Variants in NLRP12 observed in about 807,000 individuals in gnomAD.
The protein encoded by NLRP12 is NACHT, LRR and PYD domains-containing protein 12.
NLRP12 carries 108 observed loss-of-function variants against 91.2 expected under a neutral mutation model. The observed-to-expected ratio is 1.18, with a 90% CI of 1.01 to 1.39. NLRP12 has a LOEUF of 1.39. Among genes scored for constraint, NLRP12 ranks in the 40% most tolerant of loss-of-function variants. The pLI is 0.00. For missense variants in NLRP12, 1,530 were observed against 1,352.7 expected (o/e 1.13, Z -2.06); for synonymous variants, 613 against 566.7 (o/e 1.08, Z -1.16).
chr19:53,810,845 A>G lies in NLRP12; in HGVS notation c.814T>C (p.Trp272Arg). The part of the protein sequence containing the change: ...CSMQDLIFSC[W>R]PEPSAPLQEL... ...TGGAGAGGCGCGCTGGGCTCAGGCC[A>G]GCAGCTGAAGATGAGGTCTTGCATG... The change falls in exon 3 of 10, where the codon TGG becomes CGG. Residue 272 changes from tryptophan (W) to arginine (R), a missense_variant. By Grantham distance (101) the Trp-to-Arg change is moderately radical. Transcript: ENST00000324134. 6.2e-7 allele frequency: 1 copy of G among 1,614,118 alleles called. No individual in the cohort carries two copies. The highest frequency in any genetic ancestry group is 2.2e-5 in the East Asian group (1 of 44,874).
At chr19:53,823,427 T>TTTTTAAA (rs1238042281) in intron 1 of NLRP12, among the ~76,000 whole-genome samples, 66 of 102,914 alleles carry the variant, frequency 6.4e-4, no homozygotes, top group African/African-American at 2.3e-3. Context: ...TTTAAATATA[T>TTTTTAAA]ATATTTAAAA....
chr19:53,811,706 A>G (rs1295144210), intron 2 of NLRP12, among the ~76,000 whole-genome samples: 1 of 151,266 alleles, frequency 6.6e-6, no homozygotes. Flanking sequence ...AGCTGGGATT[A>G]CAGGCACATG....
intron 1 of NLRP12, among the ~76,000 whole-genome samples, chr19:53,815,894 G>C (rs978442421): frequency 4.0e-5 from 6 of 151,800 alleles, no homozygotes; most frequent in Admixed American, 6.6e-5. Flanking sequence ...ACAGGCGTGA[G>C]CCACTGCGCC....
chr19:53,804,611 G>A (rs62143165), intron 5 of NLRP12, among the ~76,000 whole-genome samples: 136,952 of 149,212 alleles, frequency 0.92, 63,006 homozygotes, highest in Non-Finnish European at 0.95. Flanking sequence ...GTGTTTCTCC[G>A]TGTTGGCCAG....
Position 53,809,607 on chromosome 19 carries a change from C to A in NLRP12, c.2052G>T (p.Ala684=). ...CTTACAGCTGCACCAACAGCGTGTGCGCTCCTGCGGAGCACCTCGCGCGGT... is the reference window on the plus strand; with the variant it reads ...CTTACAGCTGCACCAACAGCGTGTGAGCTCCTGCGGAGCACCTCGCGCGGT... The part of the protein sequence containing the change: ...GEDRARCSAG[A]HTLLVQLPER... Residue 684 remains alanine, a synonymous_variant, in exon 3 of 10, where the codon GCG becomes GCT. Coordinates refer to ENST00000324134, the MANE Select transcript of NLRP12 (RefSeq NM_144687.4). The A allele has an allele frequency of 2.5e-6, 4 of 1,612,260 alleles. No individual in the cohort carries two copies. Among genetic ancestry groups the A allele is most frequent in the Non-Finnish European group, 3.4e-6 (4 of 1,179,666 alleles).
chr19:53,809,061 A>G (rs1385463230), intron 3 of NLRP12, among the ~76,000 whole-genome samples: 1 of 151,864 alleles, frequency 6.6e-6, no homozygotes, highest in East Asian at 1.9e-4. Context: ...CCCCATCTCC[A>G]CTAAAAATAC....
intron 6 of NLRP12, 25 bp from the exon 7 acceptor site, chr19:53,801,422 CATT>C (rs2122565137): frequency 6.3e-7 from 1 of 1,598,098 alleles, no homozygotes; most frequent in Non-Finnish European, 8.5e-7. Context: ...ATTCAACAAG[CATT>C]ATGGAGGCTT....
rs1448398172 is a variant in NLRP12 at position 53,810,264 on chromosome 19, C to G, written c.1395G>C (p.Ala465=). Residue 465 remains alanine, a synonymous_variant, in exon 3 of 10, where the codon GCG becomes GCC. Coordinates refer to ENST00000324134, the MANE Select transcript of NLRP12 (RefSeq NM_144687.4). ...TTTTCTGATTCCAGAGCCCATCTGC[C>G]GCCAAGGAGCACAACCCTCTCTGGT... is the stretch of plus-strand genomic sequence containing the variant. ...PPNQRGLCSL[A]ADGLWNQKIL... is the part of the protein sequence containing the mutation. 2 of 1,614,060 alleles carry G rather than the reference C, an allele frequency of 1.2e-6. No individual in the cohort carries two copies. The highest frequency in any genetic ancestry group is 1.7e-6 in the Non-Finnish European group (2 of 1,180,030).
chr19:53,818,376 A>T (rs1436659923), intron 1 of NLRP12, among the ~76,000 whole-genome samples: 1 of 151,704 alleles, frequency 6.6e-6, no homozygotes, highest in African/African-American at 2.4e-5. Flanking sequence ...TTTTTTTTTA[A>T]AGGTAATCCA....
At chr19:53,797,796 T>G (rs2091794196) in intron 8 of NLRP12, among the ~76,000 whole-genome samples, 1 of 151,636 alleles carries the variant, frequency 6.6e-6, no homozygotes, top group African/African-American at 2.4e-5. Context: ...TGGAGTGCAA[T>G]GGCATGATCT....
rs756994470 is a variant in NLRP12, at chr19:53,810,299, G to A, written c.1360C>T (p.Pro454Ser). The A allele has an allele frequency of 2.5e-6, 4 of 1,613,872 alleles. No individual in the cohort carries two copies. The highest frequency in any genetic ancestry group is 2.5e-6 in the Non-Finnish European group (3 of 1,180,028). The change falls in exon 3 of 10, where the codon CCC becomes TCC. Residue 454 changes from proline to serine, a missense_variant. Coordinates refer to ENST00000324134, the MANE Select transcript of NLRP12 (RefSeq NM_144687.4). The stretch of plus-strand genomic sequence containing the variant: ...CACAACCCTCTCTGGTTGGGTGGGG[G>A]CTGGAGGCGCGGGGCCCCCGGCTTG... Reference protein sequence around the residue: ...QPKPGAPRLQPPPNQRGLCSL... With the variant: ...QPKPGAPRLQSPPNQRGLCSL...
intron 1 of NLRP12, among the ~76,000 whole-genome samples, chr19:53,821,413 A>G (rs2092263640): frequency 6.6e-6 from 1 of 152,012 alleles, no homozygotes. Flanking sequence ...TCACACCTGT[A>G]ATCACAGCAC....
chr19:53,811,358 G>A (rs973646311), intron 2 of NLRP12, 70 bp from the exon 3 acceptor site: 64 of 1,560,058 alleles, frequency 4.1e-5, no homozygotes, highest in Non-Finnish European at 5.0e-5. Context: ...GAGGTAAAGC[G>A]CTCCTCATGT....
chr19:53,810,146 T>C lies in NLRP12; in HGVS notation c.1513A>G (p.Asn505Asp). 6.2e-7 allele frequency: 1 copy of C among 1,614,180 alleles called. No homozygotes were observed. The highest frequency in any genetic ancestry group is 1.3e-5 in the African/African-American group (1 of 75,052). ...ATGAAGCTGTAGTACCTCTCACAGT[T>C]GATGTCCTTCTGGAAGATGTTCATG... ...LNMNIFQKDINCERYYSFIHL... is the reference protein window; with the variant it reads ...LNMNIFQKDIDCERYYSFIHL... The change falls in exon 3 of 10, where the codon AAC becomes GAC. Residue 505 changes from asparagine (N) to aspartate (D), a missense_variant. Asn to Asp is a conservative substitution (Grantham distance 23, BLOSUM62 1). Transcript: ENST00000324134.
rs1307821947 is a variant in NLRP12, at chr19:53,814,891, C to A, written c.370+17G>T. ...CTGTGTAGATGAATACATGTAGGTA[C>A]ATGGCTTGAGGCTCACCTTTTCTTG... On this transcript the variant is annotated intron_variant, in intron 2 of 9. Coordinates refer to ENST00000324134, the MANE Select transcript of NLRP12 (RefSeq NM_144687.4). The A allele has an allele frequency of 6.2e-7, 1 of 1,606,920 alleles. No homozygotes were observed.
intron 5 of NLRP12, 60 bp downstream of exon 5, chr19:53,805,220 A>G (rs556043172): frequency 4.6e-6 from 7 of 1,535,952 alleles, no homozygotes; most frequent in Non-Finnish European, 6.3e-6. Context: ...GCATTTTGTG[A>G]TATTTCATGC....
intron 9 of NLRP12, among the ~76,000 whole-genome samples, chr19:53,795,069 C>T (rs1165115213): frequency 6.6e-6 from 1 of 151,320 alleles, no homozygotes; most frequent in African/African-American, 2.4e-5. Flanking sequence ...CCCTGAGTAG[C>T]TTTGATTAGA....
rs1211003593 is a variant in NLRP12, at chr19:53,819,630, T to TATAC, written c.289+4255_289+4256insGTAT. 1.7e-4 allele frequency among the ~76,000 whole-genome samples: 21 copies of TATAC among 126,770 alleles called. 2 individuals are homozygous for TATAC. Among genetic ancestry groups the TATAC allele is most frequent in the African/African-American group, 5.4e-4 (18 of 33,228 alleles). The allele number at this position is 126,770 out of a possible 152,430, so 83.2% of individuals were successfully genotyped here. On this transcript the variant is annotated intron_variant, in intron 1 of 9. Transcript: ENST00000324134. ...ATATGTATGTATACGTATATACGCG[T>TATAC]ATATATGTATGTATACGTATATATA... is the stretch of plus-strand genomic sequence containing the variant.
intron 1 of NLRP12, among the ~76,000 whole-genome samples, chr19:53,817,801 A>G (rs1179364886): frequency 6.6e-6 from 1 of 151,724 alleles, no homozygotes; most frequent in Non-Finnish European, 1.5e-5. Context: ...TTATTTATTT[A>G]TTTATTTATG....
Sources: gnomAD v4.1 joint callset for allele counts (sites outside exome capture counted in the v4.1 genomes callset) on GRCh38, gnomAD v4.1.1 for gene constraint, MANE v1.5 for transcripts, NCBI Gene and HGNC (gene_info 2026-07-23, HGNC 2026-07-21) for gene names.